Variants in SEMA6D observed in about 807,000 individuals in gnomAD.
SEMA6D encodes semaphorin 6D, also known as semaphorin-6D.
Under a neutral mutation model 106.6 loss-of-function variants are expected in SEMA6D, and 35 were observed. The observed-to-expected ratio is 0.33, with a 90% CI of 0.25 to 0.44. The LOEUF (loss-of-function observed/expected upper bound fraction) is 0.44. Among genes scored for constraint, SEMA6D ranks in the 20% least tolerant of loss-of-function variants. The pLI is 1.00. For synonymous variants in SEMA6D, 499 were observed against 487.7 expected (o/e 1.02, Z -0.31); for missense variants, 1,185 against 1,345.9 (o/e 0.88, Z 1.87).
intron 1 of SEMA6D, among the ~76,000 whole-genome samples, chr15:47,207,993 G>GCGCGCGCACACACA (rs1424944556): frequency 2.3e-4 from 21 of 89,394 alleles, no homozygotes; most frequent in African/African-American, 6.5e-4. Flanking sequence ...TGGCGCGCGC[G>GCGCGCGCACACACA]CACACACACA....
chr15:47,737,334 GA>G (rs78501294), intron 1 of SEMA6D, among the ~76,000 whole-genome samples: 14,587 of 152,052 alleles, frequency 0.096, 2,205 homozygotes, highest in African/African-American at 0.32. Flanking sequence ...TCTTCACCAA[GA>G]AAAATGAGCT....
intron 3 of SEMA6D, among the ~76,000 whole-genome samples, chr15:47,515,092 T>C (rs1271954595): frequency 6.6e-6 from 1 of 152,226 alleles, no homozygotes; most frequent in Non-Finnish European, 1.5e-5. Context: ...TCAAATATGA[T>C]TGGCATGCTC....
intron 3 of SEMA6D, among the ~76,000 whole-genome samples, chr15:47,548,544 C>T (rs1224976211): frequency 6.6e-6 from 1 of 152,130 alleles, no homozygotes; most frequent in East Asian, 1.9e-4. Flanking sequence ...GAGACTGAGT[C>T]GTCCTGGTTG....
chr15:47,710,982 G>T (rs892206106), intron 4 of SEMA6D, among the ~76,000 whole-genome samples: 1 of 152,140 alleles, frequency 6.6e-6, no homozygotes, highest in African/African-American at 2.4e-5. Context: ...TGGTTGCTGG[G>T]GCCAACCTAC....
chr15:47,357,114 C>A (rs1878137847), intron 1 of SEMA6D, among the ~76,000 whole-genome samples: 1 of 151,962 alleles, frequency 6.6e-6, no homozygotes, highest in Admixed American at 6.6e-5. Flanking sequence ...GCGGGCGGAT[C>A]ACGAGGTCAG....
intron 1 of SEMA6D, among the ~76,000 whole-genome samples, chr15:47,751,851 G>A (rs1403924724): frequency 1.3e-5 from 2 of 149,592 alleles, no homozygotes; most frequent in African/African-American, 2.5e-5. Context: ...CTAAGGGACT[G>A]AAAAAAAAAA....
chr15:47,199,467 G>A (rs910179103), intron 1 of SEMA6D, among the ~76,000 whole-genome samples: 3 of 152,076 alleles, frequency 2.0e-5, no homozygotes, highest in African/African-American at 7.2e-5. Flanking sequence ...TACAAAAGCA[G>A]AAAATAAAAA....
At chr15:47,223,577 G>GTTGTCATCTTA (rs11270624) in intron 1 of SEMA6D, among the ~76,000 whole-genome samples, 65,140 of 151,586 alleles carry the variant, frequency 0.43, 15,143 homozygotes, top group African/African-American at 0.57. Context: ...AAGCTTGCGT[G>GTTGTCATCTTA]TGTCAGCTGG....
At chr15:47,657,339 C>T (rs2077816653) in intron 4 of SEMA6D, among the ~76,000 whole-genome samples, 1 of 152,084 alleles carries the variant, frequency 6.6e-6, no homozygotes, top group African/African-American at 2.4e-5. Context: ...CAATATGATT[C>T]TCCACGTGTA....
intron 3 of SEMA6D, among the ~76,000 whole-genome samples, chr15:47,497,153 G>A (rs556094341): frequency 1.9e-4 from 27 of 145,800 alleles, no homozygotes; most frequent in African/African-American, 6.4e-4. Flanking sequence ...CTGTGAGAAA[G>A]AAACATTCCT....
At chr15:47,634,119 G>T (rs372629003) in intron 4 of SEMA6D, among the ~76,000 whole-genome samples, 34 of 152,162 alleles carry the variant, frequency 2.2e-4, no homozygotes, top group African/African-American at 7.7e-4. Context: ...TTTCTCTTGA[G>T]TGTGGTATCT....
chr15:47,439,173 A>C (rs1032847562), intron 2 of SEMA6D, among the ~76,000 whole-genome samples: 2 of 152,148 alleles, frequency 1.3e-5, no homozygotes, highest in African/African-American at 4.8e-5. Context: ...CATGTTGCCA[A>C]TTAATGTGAG....
chr15:47,264,254 T>G (rs2034212013), intron 1 of SEMA6D, among the ~76,000 whole-genome samples: 1 of 152,048 alleles, frequency 6.6e-6, no homozygotes, highest in Admixed American at 6.6e-5. Context: ...GCTTAATATC[T>G]GGGTGATGAA....
intron 1 of SEMA6D, among the ~76,000 whole-genome samples, chr15:47,314,895 T>C (rs1273720382): frequency 7.5e-6 from 1 of 132,688 alleles, no homozygotes. Context: ...AGACGGAGTC[T>C]CGCTCTGTGG....
chr15:47,267,850 GACTGCTT>G (rs1474299117), intron 1 of SEMA6D, among the ~76,000 whole-genome samples: 1 of 152,016 alleles, frequency 6.6e-6, no homozygotes, highest in Non-Finnish European at 1.5e-5. Flanking sequence ...TGGATTATTT[GACTGCTT>G]TTGATTTTAC....
intron 1 of SEMA6D, among the ~76,000 whole-genome samples, chr15:47,322,246 C>T (rs973116175): frequency 3.3e-5 from 5 of 151,498 alleles, no homozygotes; most frequent in African/African-American, 4.8e-5. Context: ...ATACTATTAA[C>T]GAAACTTCAT....
At chr15:47,383,458 C>G (rs12910916) in intron 1 of SEMA6D, among the ~76,000 whole-genome samples, 4 of 152,000 alleles carry the variant, frequency 2.6e-5, no homozygotes, top group African/African-American at 9.7e-5. Flanking sequence ...ATTTTGAAAC[C>G]GGCCAGTGCT....
At chr15:47,515,798 A>C (rs1234230964) in intron 3 of SEMA6D, among the ~76,000 whole-genome samples, 1 of 152,242 alleles carries the variant, frequency 6.6e-6, no homozygotes, top group Non-Finnish European at 1.5e-5. Flanking sequence ...TGCATGGTTC[A>C]ACTTTTCAAT....
In SEMA6D at chr15:47,505,094, AGAG is replaced by A. The variant is rs2043997287; in HGVS notation, c.-87+34553_-87+34555del. Among the ~76,000 whole-genome samples the A allele has an allele frequency of 2.6e-5, 4 of 152,230 alleles. No homozygotes were observed. The South Asian group carries it at 8.3e-4, about 32-fold the overall frequency. On this transcript the variant is annotated intron_variant, in intron 3 of 19. Transcript: ENST00000558014. The stretch of plus-strand genomic sequence containing the variant: ...GGAGGGGAGCAAGGCCAGGAGTAAG[AGAG>A]GAGATCAGGCCTTCCGGAAGTTAGA...
Sources: gnomAD v4.1 joint callset for allele counts (sites outside exome capture counted in the v4.1 genomes callset) on GRCh38, gnomAD v4.1.1 for gene constraint, MANE v1.5 for transcripts, NCBI Gene and HGNC (gene_info 2026-07-23, HGNC 2026-07-21) for gene names.